CFAP77: variants seen among roughly 807,000 people sequenced by gnomAD.
The protein encoded by CFAP77 is cilia- and flagella-associated protein 77.
A neutral mutation model predicts 31.1 loss-of-function variants in CFAP77; 25 were observed. The ratio of observed to expected loss-of-function variants is 0.80; its 90% confidence interval spans 0.59 to 1.12. The LOEUF is 1.12. Among genes scored for constraint, CFAP77 ranks in the 50% most tolerant of loss-of-function variants. The pLI is 0.00. For missense variants in CFAP77, 377 were observed against 397.3 expected (o/e 0.95, Z 0.44); for synonymous variants, 151 against 159.9 (o/e 0.94, Z 0.42).
chr9:132,556,713 T>C (rs1852911506), intron 5 of CFAP77, among the ~76,000 whole-genome samples: 1 of 152,190 alleles, frequency 6.6e-6, no homozygotes, highest in Non-Finnish European at 1.5e-5. Context: ...AATGGTCTTT[T>C]ACACTGACAA....
rs765536685 is a variant in CFAP77, at chr9:132,434,147, AAAAATAAAAT to A, written c.195+23700_195+23709del. Among the ~76,000 whole-genome samples the A allele has an allele frequency of 8.6e-5, 13 of 151,912 alleles. No homozygotes were observed. The East Asian group carries it at 1.7e-3, about 20-fold the overall frequency. On this transcript the variant is annotated intron_variant, in intron 1 of 5. Coordinates refer to ENST00000393216, the MANE Select transcript of CFAP77 (RefSeq NM_001282957.2). Reference sequence around the variant, plus strand: ...GAGCAAGACCCTATCTCGAAAAAATAAAAATAAAATAAAATAAAATAAAATAAATAAGGCC... The same window carrying A: ...GAGCAAGACCCTATCTCGAAAAAATAAAAATAAAATAAAATAAATAAGGCC...
chr9:132,485,018 T>C (rs1370400811), intron 1 of CFAP77, among the ~76,000 whole-genome samples: 1 of 152,142 alleles, frequency 6.6e-6, no homozygotes, highest in Non-Finnish European at 1.5e-5. Context: ...CCAGCTAATT[T>C]TTTTATTTTT....
chr9:132,519,885 T>C (rs1195932374), intron 3 of CFAP77, among the ~76,000 whole-genome samples: 2 of 144,328 alleles, frequency 1.4e-5, no homozygotes, highest in Non-Finnish European at 3.1e-5. Flanking sequence ...GATGGATGGA[T>C]AGGTGGATGG....
intron 1 of CFAP77, among the ~76,000 whole-genome samples, chr9:132,478,516 G>A (rs1851389498): frequency 6.6e-6 from 1 of 152,116 alleles, no homozygotes; most frequent in Admixed American, 6.5e-5. Context: ...ATTACTTTGG[G>A]CAAAATAAAA....
At chr9:132,548,286 G>GGGGGGGGGGGGGGC (rs1564248910) in intron 5 of CFAP77, among the ~76,000 whole-genome samples, 6 of 128,888 alleles carry the variant, frequency 4.7e-5, no homozygotes, top group Non-Finnish European at 6.5e-5. Flanking sequence ...GGGGGGTGGG[G>GGGGGGGGGGGGGGC]GGTGAAGCTG....
chr9:132,506,975 G>C (rs1851940501), intron 3 of CFAP77, among the ~76,000 whole-genome samples: 1 of 152,182 alleles, frequency 6.6e-6, no homozygotes, highest in South Asian at 2.1e-4. Flanking sequence ...CTCTGCTCAT[G>C]TTTTTCCAGC....
chr9:132,526,648 A>G lies in CFAP77; in HGVS notation c.525-10953A>G, dbSNP rs1204053830. On this transcript the variant is annotated intron_variant, in intron 3 of 5. Coordinates refer to ENST00000393216, the MANE Select transcript of CFAP77 (RefSeq NM_001282957.2). ...AAAAAGAGAGAAGAATCAAATAGAC[A>G]CAATAAAAAATGATAAAGGGGATAT... Among the ~76,000 whole-genome samples the G allele has an allele frequency of 2.1e-4, 30 of 142,334 alleles. 3 individuals carry two copies. Among genetic ancestry groups the G allele is most frequent in the Non-Finnish European group, 4.3e-4 (28 of 64,502 alleles). 93.4% of individuals were successfully genotyped at this position (142,334 alleles called of 152,430 possible).
chr9:132,546,380 C>A (rs1038638924), intron 5 of CFAP77, among the ~76,000 whole-genome samples: 44 of 152,214 alleles, frequency 2.9e-4, no homozygotes, highest in African/African-American at 1.0e-3. Flanking sequence ...CTGCTGCCCC[C>A]ACCCCGGCCC....
intron 5 of CFAP77, among the ~76,000 whole-genome samples, chr9:132,561,599 G>A (rs1258892544): frequency 7.4e-6 from 1 of 135,018 alleles, no homozygotes; most frequent in Non-Finnish European, 1.5e-5. Context: ...CCATTGAGGT[G>A]CATGTACACA....
At position 132,455,416 on chromosome 9, in the gene CFAP77, G is replaced by A. The variant is rs1292452191; in HGVS notation, c.196-43279G>A. On this transcript the variant is annotated intron_variant, in intron 1 of 5. Coordinates refer to ENST00000393216, the MANE Select transcript of CFAP77 (RefSeq NM_001282957.2). This position sits in a 1 kb window ranked among gnomAD's most constrained non-coding sequence, Gnocchi z 4.1. ...CAGCTACTCGGGAGGCTGAGGCAGG[G>A]AGGACTGCTTGAAACCAGGAGGTGG... Among the ~76,000 whole-genome samples, 1 of 151,796 alleles carries A rather than the reference G, an allele frequency of 6.6e-6. No homozygotes were observed. Among genetic ancestry groups the A allele is most frequent in the African/African-American group, 2.4e-5 (1 of 41,316 alleles).
intron 3 of CFAP77, among the ~76,000 whole-genome samples, chr9:132,529,507 T>TAAAAAAAAAAAAAAAAAAAAAA (rs750691279): frequency 1.8e-5 from 2 of 108,836 alleles, no homozygotes; most frequent in African/African-American, 6.7e-5. Context: ...TAGAGTATAA[T>TAAAAAAAAAAAAAAAAAAAAAA]AAAAAAAAAA....
intron 1 of CFAP77, among the ~76,000 whole-genome samples, chr9:132,419,866 ATT>A (rs1850179514): frequency 6.6e-6 from 1 of 152,210 alleles, no homozygotes; most frequent in Non-Finnish European, 1.5e-5. Context: ...CTCATAAGTT[ATT>A]AAAAGTGGGT....
chr9:132,541,131 GTCC>G (rs887223258), intron 4 of CFAP77, among the ~76,000 whole-genome samples: 8 of 152,190 alleles, frequency 5.3e-5, no homozygotes, highest in African/African-American at 1.9e-4. Flanking sequence ...AGACCTCAGT[GTCC>G]TCCTCAAGCC....
chr9:132,457,656 T>A (rs1850944778), intron 1 of CFAP77, among the ~76,000 whole-genome samples: 1 of 152,240 alleles, frequency 6.6e-6, no homozygotes, highest in African/African-American at 2.4e-5. Context: ...TGGTATTTGC[T>A]TTTTATGTCT....
chr9:132,483,971 C>G (rs1851495858), intron 1 of CFAP77, among the ~76,000 whole-genome samples: 1 of 145,392 alleles, frequency 6.9e-6, no homozygotes, highest in African/African-American at 2.6e-5. Context: ...CATTCTCACT[C>G]TGTTGCTCAG....
intron 1 of CFAP77, among the ~76,000 whole-genome samples, chr9:132,459,781 C>A (rs532636828): frequency 1.6e-4 from 23 of 144,178 alleles, no homozygotes; most frequent in Admixed American, 1.6e-3. Flanking sequence ...TGTGTGAGAG[C>A]GTGTGTGTAT....
intron 1 of CFAP77, among the ~76,000 whole-genome samples, chr9:132,418,270 C>T (rs1016654599): frequency 5.9e-5 from 9 of 152,236 alleles, no homozygotes; most frequent in African/African-American, 9.6e-5. Context: ...GTGCTGGTGG[C>T]ATCTGGTGGG....
intron 4 of CFAP77, among the ~76,000 whole-genome samples, chr9:132,541,797 G>T (rs1431259607): frequency 1.3e-5 from 2 of 152,192 alleles, no homozygotes; most frequent in Non-Finnish European, 2.9e-5. Flanking sequence ...AATAAAATCA[G>T]TAAAAGGGGT....
At chr9:132,516,305 A>G (rs1422107527) in intron 3 of CFAP77, among the ~76,000 whole-genome samples, 1 of 152,208 alleles carries the variant, frequency 6.6e-6, no homozygotes, top group South Asian at 2.1e-4. Context: ...ATTTGCAACC[A>G]TTTTAGGGCA....
Sources: allele counts gnomAD v4.1 joint callset (sites outside exome capture counted in the v4.1 genomes callset), GRCh38; gene constraint gnomAD v4.1.1; non-coding constraint Gnocchi (gnomAD v3.1); transcripts MANE v1.5; gene names NCBI Gene and HGNC (gene_info 2026-07-23, HGNC 2026-07-21).